Variants in ASIC2 observed in about 807,000 individuals in gnomAD.
ASIC2 encodes the protein acid sensing ion channel subunit 2, also known as acid-sensing ion channel 2.
A neutral mutation model predicts 57.3 loss-of-function variants in ASIC2; 25 were observed. The observed-to-expected ratio is 0.44, with a 90% CI of 0.32 to 0.61. The LOEUF is 0.61. Among genes scored for constraint, ASIC2 ranks in the 20% least tolerant of loss-of-function variants. The probability of loss-of-function intolerance (pLI) is 0.06; values close to 1 mark genes in which losing one functional copy is unlikely to be tolerated. For synonymous variants in ASIC2, 319 were observed against 307.5 expected (o/e 1.04, Z -0.39); for missense variants, 641 against 738.1 (o/e 0.87, Z 1.52).
At chr17:33,340,867 T>G (rs999728202) in intron 1 of ASIC2, among the ~76,000 whole-genome samples, 4 of 152,080 alleles carry the variant, frequency 2.6e-5, no homozygotes, top group Non-Finnish European at 5.9e-5. Context: ...CCAGGGTGCA[T>G]CATTTAGGGA....
intron 1 of ASIC2, among the ~76,000 whole-genome samples, chr17:33,782,622 G>A (rs1426406285): frequency 6.6e-6 from 1 of 152,078 alleles, no homozygotes; most frequent in Non-Finnish European, 1.5e-5. Context: ...CCAGCTACTT[G>A]GGAGGCTTAG....
At chr17:33,788,049 A>T (rs1307334334) in intron 1 of ASIC2, among the ~76,000 whole-genome samples, 2 of 152,250 alleles carry the variant, frequency 1.3e-5, no homozygotes, top group Non-Finnish European at 2.9e-5. Flanking sequence ...ACAAAAGCCA[A>T]AATTGACAAA....
At chr17:33,781,286 C>T (rs1307706193) in intron 1 of ASIC2, among the ~76,000 whole-genome samples, 1 of 152,240 alleles carries the variant, frequency 6.6e-6, no homozygotes, top group Non-Finnish European at 1.5e-5. Context: ...GCCCGAGACG[C>T]CTCTCCACAG....
chr17:33,798,496 G>A (rs922929776), intron 1 of ASIC2, among the ~76,000 whole-genome samples: 1 of 152,176 alleles, frequency 6.6e-6, no homozygotes, highest in African/African-American at 2.4e-5. Flanking sequence ...GCCATCAAGC[G>A]AATGAGACTG....
chr17:34,035,532 G>T (rs1012541518), intron 1 of ASIC2, among the ~76,000 whole-genome samples: 1 of 151,416 alleles, frequency 6.6e-6, no homozygotes, highest in Non-Finnish European at 1.5e-5. Flanking sequence ...ATTGACAAAT[G>T]GGATCTAATT....
At chr17:33,429,241 C>A (rs913620369) in intron 1 of ASIC2, among the ~76,000 whole-genome samples, 1 of 152,112 alleles carries the variant, frequency 6.6e-6, no homozygotes, top group African/African-American at 2.4e-5. Context: ...TTTAATAAAA[C>A]CCTCTTCTTG....
At chr17:33,434,108 T>G (rs563133114) in intron 1 of ASIC2, among the ~76,000 whole-genome samples, 13 of 151,244 alleles carry the variant, frequency 8.6e-5, no homozygotes, top group African/African-American at 2.9e-4. Flanking sequence ...TTACGAGACC[T>G]CCTCTCAAAA....
At chr17:33,706,318 C>G (rs1220794729) in intron 1 of ASIC2, among the ~76,000 whole-genome samples, 1 of 151,734 alleles carries the variant, frequency 6.6e-6, no homozygotes, top group Non-Finnish European at 1.5e-5. Flanking sequence ...CTCCCAGGCT[C>G]AAGCCATCCT....
chr17:33,584,125 T>A (rs56689184), intron 1 of ASIC2, among the ~76,000 whole-genome samples: 54 of 152,368 alleles, frequency 3.5e-4, no homozygotes, highest in African/African-American at 1.2e-3. Flanking sequence ...TTGCTAATAC[T>A]CTGGCCTCTA....
intron 1 of ASIC2, among the ~76,000 whole-genome samples, chr17:33,341,699 C>A (rs1308202252): frequency 6.6e-6 from 1 of 152,174 alleles, no homozygotes; most frequent in East Asian, 1.9e-4. Context: ...GATCTTGAAG[C>A]CCAGAGTGGT....
At chr17:33,478,203 T>A (rs1913291193) in intron 1 of ASIC2, among the ~76,000 whole-genome samples, 1 of 152,152 alleles carries the variant, frequency 6.6e-6, no homozygotes, top group African/African-American at 2.4e-5. Flanking sequence ...TGACAGAGCT[T>A]CCAAGAGGGG....
At chr17:33,664,156 T>A (rs974988997) in intron 1 of ASIC2, among the ~76,000 whole-genome samples, 1 of 152,208 alleles carries the variant, frequency 6.6e-6, no homozygotes, top group Middle Eastern at 3.2e-3. Flanking sequence ...CCTGATAGAC[T>A]CCGCCTCCTC....
intron 1 of ASIC2, among the ~76,000 whole-genome samples, chr17:34,033,162 G>A (rs1019523044): frequency 4.6e-4 from 70 of 152,184 alleles, no homozygotes; most frequent in Non-Finnish European, 8.2e-4. Flanking sequence ...ATAACAAACT[G>A]TCTCTCAGAC....
At chr17:33,612,605 T>C (rs1905446750) in intron 1 of ASIC2, among the ~76,000 whole-genome samples, 2 of 152,224 alleles carry the variant, frequency 1.3e-5, no homozygotes, top group African/African-American at 4.8e-5. Context: ...GGTCACATAC[T>C]AGTGCTAGCA....
intron 1 of ASIC2, among the ~76,000 whole-genome samples, chr17:34,058,417 T>C (rs1202644093): frequency 2.6e-5 from 4 of 152,232 alleles, no homozygotes; most frequent in African/African-American, 9.6e-5. Context: ...CCAGATTTTC[T>C]CATTTGTTCT....
At chr17:33,568,688 T>C (rs536238850) in intron 1 of ASIC2, among the ~76,000 whole-genome samples, 214 of 152,316 alleles carry the variant, frequency 1.4e-3, no homozygotes, top group African/African-American at 4.9e-3. Flanking sequence ...AACTATATAA[T>C]ACATATATAC....
chr17:33,733,353 C>CTGTG (rs1052115360), intron 1 of ASIC2, among the ~76,000 whole-genome samples: 1 of 152,156 alleles, frequency 6.6e-6, no homozygotes, highest in East Asian at 1.9e-4. Flanking sequence ...TCCTTTCTCC[C>CTGTG]TGTGTGTGTG....
chr17:33,987,727 T>A (rs1400910535), intron 1 of ASIC2, among the ~76,000 whole-genome samples: 2 of 152,182 alleles, frequency 1.3e-5, no homozygotes, highest in Non-Finnish European at 2.9e-5. Flanking sequence ...TGCCAAGGAA[T>A]GACCAGGGTT....
chr17:33,374,883 G>T (rs1169360877), intron 1 of ASIC2, among the ~76,000 whole-genome samples: 1 of 152,066 alleles, frequency 6.6e-6, no homozygotes, highest in Non-Finnish European at 1.5e-5. Context: ...AGATGATCTC[G>T]TTTACTTTGA....
Sources: gnomAD v4.1 joint callset for allele counts (sites outside exome capture counted in the v4.1 genomes callset) on GRCh38, gnomAD v4.1.1 for gene constraint, MANE v1.5 for transcripts, NCBI Gene and HGNC (gene_info 2026-07-23, HGNC 2026-07-21) for gene names.